PDGFC: variants seen among roughly 807,000 people sequenced by gnomAD.
The protein encoded by PDGFC is platelet-derived growth factor C.
In PDGFC, 12 loss-of-function variants were observed where a neutral mutation model predicts 35.5. That is an observed-to-expected ratio of 0.34 (90% confidence interval 0.22 to 0.55). The LOEUF (loss-of-function observed/expected upper bound fraction) is 0.55, where lower values mean the gene tolerates loss of function less well. Among genes scored for constraint, PDGFC ranks in the 20% least tolerant of loss-of-function variants. The pLI is 0.91. For missense variants in PDGFC, 322 were observed against 412.4 expected (o/e 0.78, Z 1.90); for synonymous variants, 159 against 148.8 (o/e 1.07, Z -0.50).
At chr4:156,839,389 C>T (rs530049308) in intron 2 of PDGFC, among the ~76,000 whole-genome samples, 1 of 152,190 alleles carries the variant, frequency 6.6e-6, no homozygotes, top group South Asian at 2.1e-4. Context: ...TTCTTCCTGC[C>T]CCCATGTGAA....
intron 1 of PDGFC, among the ~76,000 whole-genome samples, chr4:156,970,183 A>G (rs1732558193): frequency 6.6e-6 from 1 of 152,214 alleles, no homozygotes; most frequent in South Asian, 2.1e-4. Context: ...ACCAACACAT[A>G]CAAAAACACA....
intron 1 of PDGFC, among the ~76,000 whole-genome samples, chr4:156,927,871 T>C (rs1731451602): frequency 6.6e-6 from 1 of 152,088 alleles, no homozygotes; most frequent in South Asian, 2.1e-4. Flanking sequence ...CAATTTACTA[T>C]ATTAGTCCAT....
intron 3 of PDGFC, among the ~76,000 whole-genome samples, chr4:156,795,355 T>C (rs1056079501): frequency 2.0e-4 from 31 of 152,134 alleles, no homozygotes; most frequent in African/African-American, 6.8e-4. Flanking sequence ...TGAGCTTAGA[T>C]TGCATTAAAA....
chr4:156,772,142 A>G (rs1730708311), intron 4 of PDGFC, among the ~76,000 whole-genome samples: 1 of 152,176 alleles, frequency 6.6e-6, no homozygotes, highest in Admixed American at 6.6e-5. Flanking sequence ...TTTTCTTGCT[A>G]TGAATCCTGC....
intron 2 of PDGFC, among the ~76,000 whole-genome samples, chr4:156,836,776 TTACTG>T (rs1347012461): frequency 4.6e-5 from 7 of 152,234 alleles, no homozygotes. Context: ...TAACCTTTCT[TTACTG>T]TATAGGAAAA....
intron 1 of PDGFC, among the ~76,000 whole-genome samples, chr4:156,861,889 A>G (rs2111115596): frequency 6.6e-6 from 1 of 152,194 alleles, no homozygotes; most frequent in Non-Finnish European, 1.5e-5. Context: ...GCTTTTAGTA[A>G]CCCTGCAAAG....
chr4:156,763,315 C>A, intron 5 of PDGFC, 109 bp from the exon 6 acceptor site: 124 of 438,310 alleles, frequency 2.8e-4, no homozygotes, highest in Middle Eastern at 7.9e-4. Context: ...AAGAAAGACA[C>A]ATATTTTAAT....
intron 1 of PDGFC, among the ~76,000 whole-genome samples, chr4:156,965,154 T>A (rs1266229719): frequency 6.6e-6 from 1 of 152,178 alleles, no homozygotes; most frequent in East Asian, 1.9e-4. Context: ...ACAAGCTATC[T>A]TCCTATTTAA....
intron 3 of PDGFC, among the ~76,000 whole-genome samples, chr4:156,786,832 G>C (rs140448744): frequency 6.6e-6 from 1 of 152,288 alleles, no homozygotes; most frequent in African/African-American, 2.4e-5. Flanking sequence ...CTGTAGTTGG[G>C]AGCTATTGGA....
At chr4:156,942,715 ATATTG>A (rs1731838894) in intron 1 of PDGFC, among the ~76,000 whole-genome samples, 1 of 147,196 alleles carries the variant, frequency 6.8e-6, no homozygotes, top group African/African-American at 2.5e-5. Context: ...TAATATTATT[ATATTG>A]TAATTATATA....
At chr4:156,863,530 A>T (rs964297282) in intron 1 of PDGFC, among the ~76,000 whole-genome samples, 2 of 152,204 alleles carry the variant, frequency 1.3e-5, no homozygotes, top group Admixed American at 1.3e-4. Flanking sequence ...AAACAGTAAC[A>T]ATCCTAATAA....
At chr4:156,952,390 C>T (rs915734582) in intron 1 of PDGFC, among the ~76,000 whole-genome samples, 1 of 151,676 alleles carries the variant, frequency 6.6e-6, no homozygotes. Context: ...TTTATCACTA[C>T]GTAGAAAATC....
chr4:156,945,323 G>GTATATATACATATACATACATA (rs1731912236), intron 1 of PDGFC, among the ~76,000 whole-genome samples: 1 of 96,718 alleles, frequency 1.0e-5, no homozygotes, highest in Admixed American at 1.3e-4. Flanking sequence ...ATATATATGT[G>GTATATATACATATACATACATA]TATATATACA....
At chr4:156,897,647 T>G (rs1175685180) in intron 1 of PDGFC, among the ~76,000 whole-genome samples, 1 of 152,158 alleles carries the variant, frequency 6.6e-6, no homozygotes, top group Non-Finnish European at 1.5e-5. Context: ...TTTGAGAAAG[T>G]TTGTAATCAA....
intron 3 of PDGFC, among the ~76,000 whole-genome samples, chr4:156,775,707 A>G (rs1730810462): frequency 1.3e-5 from 2 of 152,248 alleles, no homozygotes; most frequent in Non-Finnish European, 1.5e-5. Flanking sequence ...CCTTAGGTCC[A>G]GTGAAGTATC....
intron 1 of PDGFC, among the ~76,000 whole-genome samples, chr4:156,903,886 A>AGACCCAAAGATCATGATAGAGCT (rs1730852605): frequency 1.3e-5 from 2 of 152,308 alleles, no homozygotes; most frequent in African/African-American, 2.4e-5. Context: ...GCAAGACTCT[A>AGACCCAAAGATCATGATAGAGCT]GACCCAAAGA....
intron 1 of PDGFC, among the ~76,000 whole-genome samples, chr4:156,879,684 T>A (rs573049211): frequency 6.6e-6 from 1 of 152,324 alleles, no homozygotes; most frequent in Non-Finnish European, 1.5e-5. Flanking sequence ...AAATAGAAAG[T>A]GCAGATTTTT....
intron 3 of PDGFC, among the ~76,000 whole-genome samples, chr4:156,806,723 A>C (rs1168004983): frequency 6.6e-6 from 1 of 152,074 alleles, no homozygotes; most frequent in Non-Finnish European, 1.5e-5. Context: ...GAGAAATAAA[A>C]CTTTTAATAA....
intron 3 of PDGFC, among the ~76,000 whole-genome samples, chr4:156,804,633 G>T (rs1461279959): frequency 6.6e-6 from 1 of 151,828 alleles, no homozygotes; most frequent in Non-Finnish European, 1.5e-5. Context: ...AGTTATCAGA[G>T]ACCAAGGGAG....
Sources: gnomAD v4.1 joint callset for allele counts (sites outside exome capture counted in the v4.1 genomes callset) on GRCh38, gnomAD v4.1.1 for gene constraint, MANE v1.5 for transcripts, NCBI Gene and HGNC (gene_info 2026-07-23, HGNC 2026-07-21) for gene names.